The following NISCH variants were observed in gnomAD, a reference collection of about 807,000 sequenced individuals.
NISCH encodes the protein nischarin.
In NISCH, 55 loss-of-function variants were observed where a neutral mutation model predicts 138.4. The ratio of observed to expected loss-of-function variants is 0.40; its 90% CI spans 0.32 to 0.50. The LOEUF (loss-of-function observed/expected upper bound fraction) is 0.50, where lower values mean the gene tolerates loss of function less well. Among genes scored for constraint, NISCH ranks in the 20% least tolerant of loss-of-function variants. The pLI is 0.71. For synonymous variants in NISCH, 860 were observed against 861.5 expected, an observed-to-expected ratio of 1.00 and a Z score of 0.03; for missense variants, 1,643 against 2,005.5, an observed-to-expected ratio of 0.82 and a Z score of 3.45.
In NISCH at chr3:52,487,917, T is replaced by C; in HGVS notation, c.2425T>C (p.Ser809Pro). The C allele has an allele frequency of 6.2e-7, 1 of 1,611,798 alleles. No individual in the cohort carries two copies. The highest frequency in any genetic ancestry group is 8.5e-7 in the Non-Finnish European group (1 of 1,179,922). ...NLHEFHADLRSCFAPQHMAML... is the reference protein window; with the variant it reads ...NLHEFHADLRPCFAPQHMAML... ...GCACGAGTTCCACGCGGACCTGCGC[T>C]CATGCTTTGCACCCCAGCACATGGC... is the stretch of plus-strand genomic sequence containing the variant. The change falls in exon 16 of 21, where the codon TCA becomes CCA. Residue 809 changes from serine to proline, a missense_variant. Ser to Pro is a moderately conservative substitution (Grantham distance 74, BLOSUM62 -1). Coordinates refer to ENST00000345716, the MANE Select transcript of NISCH (RefSeq NM_007184.4). The surrounding 1 kb of genome is among the most constrained non-coding windows in gnomAD (Gnocchi z 9.1).
intron 13 of NISCH, among the ~76,000 whole-genome samples, chr3:52,483,586 C>A (rs1444119248): frequency 6.6e-6 from 1 of 152,236 alleles, no homozygotes; most frequent in Non-Finnish European, 1.5e-5. Flanking sequence ...CAGAGTGCTG[C>A]TGTCCGTGGG....
chr3:52,462,605 A>G lies in NISCH; in HGVS notation c.360+3761A>G, dbSNP rs117584910. ...TGCTGACATTGGATAGGGTGGACCCAGGGAACCCTATTTGGCTATGGTGTG... is the reference window on the plus strand; with the variant it reads ...TGCTGACATTGGATAGGGTGGACCCGGGGAACCCTATTTGGCTATGGTGTG... On this transcript the variant is annotated intron_variant, in intron 3 of 20. Transcript: ENST00000345716. 1.3e-3 allele frequency among the ~76,000 whole-genome samples: 204 copies of G among 152,246 alleles called. 6 individuals are homozygous for G. In the East Asian group the frequency reaches 0.036, roughly 27 times the overall value.
chr3:52,485,643 G>A (rs770100040), intron 14 of NISCH, 135 bp from the exon 15 acceptor site: 7 of 948,350 alleles, frequency 7.4e-6, no homozygotes, highest in African/African-American at 6.6e-5. Flanking sequence ...TGGGCTCCAG[G>A]GTACAGCGTG....
At chr3:52,480,490 T>C in intron 13 of NISCH, 195 bp downstream of exon 13, 1 of 1,527,900 alleles carries the variant, frequency 6.5e-7, no homozygotes. Context: ...CAGCTGTTGC[T>C]TGCTTGGTGA....
At chr3:52,464,543 G>A (rs1318664158) in intron 3 of NISCH, among the ~76,000 whole-genome samples, 1 of 6,456 alleles carries the variant, frequency 1.5e-4, no homozygotes, top group African/African-American at 5.7e-4. Flanking sequence ...TTTTTTTTTT[G>A]AGACAGATTC....
intron 14 of NISCH, among the ~76,000 whole-genome samples, chr3:52,485,254 T>A (rs1278074288): frequency 6.6e-6 from 1 of 152,172 alleles, no homozygotes; most frequent in Non-Finnish European, 1.5e-5. Flanking sequence ...CAGCACAAGG[T>A]TATGGCCTTG....
chr3:52,462,505 G>A (rs1706663476), intron 3 of NISCH, among the ~76,000 whole-genome samples: 1 of 152,228 alleles, frequency 6.6e-6, no homozygotes, highest in Non-Finnish European at 1.5e-5. Context: ...GAGCTCTCTG[G>A]GGAATGTTTC....
chr3:52,472,064 G>A, intron 5 of NISCH, 87 bp downstream of exon 5: 3 of 1,388,152 alleles, frequency 2.2e-6, no homozygotes, highest in Non-Finnish European at 2.0e-6. Context: ...TTGTGTGAAG[G>A]AGACCATGGG....
intron 3 of NISCH, among the ~76,000 whole-genome samples, chr3:52,470,088 T>TA (rs79193522): frequency 0.021 from 2,758 of 129,810 alleles, 71 homozygotes; most frequent in African/African-American, 0.061. Flanking sequence ...TGTCTCTATT[T>TA]AAAAAAAAAA....
chr3:52,467,740 C>A (rs1258626944), intron 3 of NISCH, among the ~76,000 whole-genome samples: 1 of 152,238 alleles, frequency 6.6e-6, no homozygotes, highest in Non-Finnish European at 1.5e-5. Context: ...TCCATGTGTT[C>A]CAGAAATTCC....
At chr3:52,478,808 G>A (rs186032122) in intron 11 of NISCH, among the ~76,000 whole-genome samples, 2 of 152,246 alleles carry the variant, frequency 1.3e-5, no homozygotes, top group Admixed American at 6.5e-5. Context: ...CTAGGAAAGG[G>A]TCAGAAATAA....
rs113079829 is a variant in NISCH at position 52,492,728 on chromosome 3, T to C, written c.*246T>C. On this transcript the variant is annotated 3_prime_UTR_variant, in exon 21 of 21. Transcript: ENST00000345716. ...CAGGTGGTACAGCCGTGCACACCAGTGTCGTGTCTGCTGTTGTGGGACCGT... is the reference window on the plus strand; with the variant it reads ...CAGGTGGTACAGCCGTGCACACCAGCGTCGTGTCTGCTGTTGTGGGACCGT... 57 of 542,806 alleles carry C rather than the reference T, an allele frequency of 1.1e-4. 1 individual carries two copies. Among genetic ancestry groups the C allele is most frequent in the African/African-American group, 6.0e-4 (32 of 53,396 alleles). The allele number at this position is 542,806 out of a possible 1,614,324, so 33.6% of individuals were successfully genotyped here.
chr3:52,488,132 G>A lies in NISCH; in HGVS notation c.2640G>A (p.Glu880=), dbSNP rs374460369. The A allele has an allele frequency of 1.9e-5, 30 of 1,613,082 alleles. No individual in the cohort carries two copies. The highest frequency in any genetic ancestry group is 1.7e-4 in the Admixed American group (10 of 59,988). Residue 880 remains glutamate (E), a synonymous_variant, in exon 16 of 21, where the codon GAG becomes GAA. Coordinates refer to ENST00000345716, the MANE Select transcript of NISCH (RefSeq NM_007184.4). ...CCGGGGACTACTCAGGCAACATCGA[G>A]TGGGCCAGCTGCACACTCTGTTCAG... ...TAAGDYSGNI[E]WASCTLCSAV...
chr3:52,466,999 CTTTTTTT>C lies in NISCH; in HGVS notation c.361-3848_361-3842del, dbSNP rs11457136. Among the ~76,000 whole-genome samples, 765 of 122,758 alleles carry C rather than the reference CTTTTTTT, an allele frequency of 6.2e-3. 5 individuals carry two copies. Among genetic ancestry groups the C allele is most frequent in the Admixed American group, 9.4e-3 (102 of 10,896 alleles). The allele number at this position is 122,758 out of a possible 152,430, so 80.5% of individuals were successfully genotyped here. A position where few individuals can be genotyped will look rare whatever the true frequency, so the allele number is the denominator to read the frequency against. ...CATAGCTGACACTAAGTTTCTTTTT[CTTTTTTT>C]TTTTTTTTTTTGAGACAGAGTCTCA... On this transcript the variant is annotated intron_variant, in intron 3 of 20. Transcript: ENST00000345716.
intron 13 of NISCH, among the ~76,000 whole-genome samples, chr3:52,483,931 C>CA (rs1421752651): frequency 1.3e-5 from 2 of 152,258 alleles, no homozygotes. Context: ...GCCACACAGT[C>CA]AGTCTGACTT....
chr3:52,455,769 G>A (rs1319742724), intron 1 of NISCH, 35 bp downstream of exon 1: 4 of 1,320,602 alleles, frequency 3.0e-6, no homozygotes, highest in Middle Eastern at 2.0e-4. Flanking sequence ...AAGCGGGGGT[G>A]GTGGCTGGAA....
intron 7 of NISCH, among the ~76,000 whole-genome samples, chr3:52,474,339 C>T (rs1707038414): frequency 6.6e-6 from 1 of 151,804 alleles, no homozygotes; most frequent in Non-Finnish European, 1.5e-5. Context: ...CTCTGTCACC[C>T]AGGCTGGAGT....
intron 3 of NISCH, among the ~76,000 whole-genome samples, chr3:52,465,763 T>G (rs890261739): frequency 6.6e-5 from 10 of 152,198 alleles, no homozygotes; most frequent in African/African-American, 2.4e-4. Flanking sequence ...CCCAACGGTT[T>G]AGTCCAAGTC....
At position 52,491,902 on chromosome 3, in the gene NISCH, C is replaced by G. The variant is rs1338999499; in HGVS notation, c.3935C>G (p.Ser1312Cys). ...GKMENYELIH[S>C]SRVKFTYPSE... ...ATGGAGAACTACGAGCTGATCCACT[C>G]TAGTCGCGTCAAGTTTACCTACCCC... is the stretch of plus-strand genomic sequence containing the variant. The change falls in exon 21 of 21, where the codon TCT becomes TGT. Residue 1312 changes from serine to cysteine, a missense_variant. Physicochemically the swap from Ser to Cys is moderately radical, Grantham distance 112. Coordinates refer to ENST00000345716, the MANE Select transcript of NISCH (RefSeq NM_007184.4). 1.2e-6 allele frequency: 2 copies of G among 1,609,794 alleles called. No homozygotes were observed. Among genetic ancestry groups the G allele is most frequent in the East Asian group, 2.2e-5 (1 of 44,822 alleles).
Sources: gnomAD v4.1 joint callset for allele counts (sites outside exome capture counted in the v4.1 genomes callset) on GRCh38, gnomAD v4.1.1 for gene constraint, Gnocchi (gnomAD v3.1) non-coding constraint, MANE v1.5 for transcripts, NCBI Gene and HGNC (gene_info 2026-07-23, HGNC 2026-07-21) for gene names.